Variants in ZMYM4 observed in about 807,000 individuals in gnomAD.
ZMYM4 encodes zinc finger MYM-type protein 4.
Under a neutral mutation model 183.2 loss-of-function variants are expected in ZMYM4, and 31 were observed. The observed-to-expected ratio is 0.17, with a 90% confidence interval of 0.13 to 0.23. The LOEUF (loss-of-function observed/expected upper bound fraction) is 0.23. Ranked by LOEUF, ZMYM4 falls within the 10% of genes least tolerant of loss-of-function variation. The pLI is 1.00. For missense variants in ZMYM4, 1,273 were observed against 1,840.3 expected (o/e 0.69, Z 5.64); for synonymous variants, 592 against 631.2 (o/e 0.94, Z 0.93).
Position 35,268,959 on chromosome 1 carries a change from G to T in ZMYM4, c.-88G>T. 7.4e-7 allele frequency: 1 copy of T among 1,346,664 alleles called. No homozygotes were observed. Among genetic ancestry groups the T allele is most frequent in the Non-Finnish European group, 9.6e-7 (1 of 1,043,930 alleles). 83.4% of individuals were successfully genotyped at this position (1,346,664 alleles called of 1,614,324 possible). ...CCGGGGAAGCTGCCGCGAGGCGGCC[G>T]TGCCTGCAGTGTGGGCGGGGGCCGG... On this transcript the variant is annotated 5_prime_UTR_variant, in exon 1 of 30. Coordinates refer to ENST00000314607, the MANE Select transcript of ZMYM4 (RefSeq NM_005095.3).
chr1:35,270,451 A>G (rs1452719879), intron 1 of ZMYM4, among the ~76,000 whole-genome samples: 1 of 152,196 alleles, frequency 6.6e-6, no homozygotes, highest in African/African-American at 2.4e-5. Context: ...CCAACCGCCT[A>G]GATCCTACTG....
At chr1:35,351,339 A>G in intron 2 of ZMYM4, 4 of 1,564,172 alleles carry the variant, frequency 2.6e-6, no homozygotes, top group South Asian at 1.1e-5. Context: ...TGCAGATTAC[A>G]TGCACTACTT....
At chr1:35,303,784 T>A (rs571232900) in intron 1 of ZMYM4, among the ~76,000 whole-genome samples, 1 of 152,316 alleles carries the variant, frequency 6.6e-6, no homozygotes, top group East Asian at 1.9e-4. Flanking sequence ...ATGTTTGCTT[T>A]TATCTTTATT....
chr1:35,410,896 C>T (rs1176195522), intron 26 of ZMYM4, among the ~76,000 whole-genome samples: 2 of 152,022 alleles, frequency 1.3e-5, no homozygotes, highest in Non-Finnish European at 2.9e-5. Context: ...ATCTAGGAAT[C>T]TACTGCCACA....
chr1:35,355,214 T>TTTC (rs1457722995), intron 2 of ZMYM4, among the ~76,000 whole-genome samples: 1 of 143,876 alleles, frequency 7.0e-6, no homozygotes, highest in African/African-American at 2.6e-5. Flanking sequence ...TTTTTTTTTT[T>TTTC]TTTTTTTTTT....
intron 1 of ZMYM4, among the ~76,000 whole-genome samples, chr1:35,309,747 G>T (rs1382950107): frequency 6.6e-6 from 1 of 151,780 alleles, no homozygotes; most frequent in Non-Finnish European, 1.5e-5. Flanking sequence ...TCGCACCACT[G>T]TAGTCCAGCC....
intron 7 of ZMYM4, among the ~76,000 whole-genome samples, chr1:35,375,983 A>G (rs1644325959): frequency 6.6e-6 from 1 of 152,006 alleles, no homozygotes; most frequent in African/African-American, 2.4e-5. Context: ...GGATGAGGTG[A>G]GAGGATTTCT....
At chr1:35,310,577 TTTTTC>T (rs1452810785) in intron 1 of ZMYM4, among the ~76,000 whole-genome samples, 1 of 152,096 alleles carries the variant, frequency 6.6e-6, no homozygotes. Flanking sequence ...TAAAATTCCT[TTTTTC>T]TTTTCTTTTT....
intron 1 of ZMYM4, among the ~76,000 whole-genome samples, chr1:35,287,551 G>A (rs1164679205): frequency 3.3e-5 from 5 of 151,562 alleles, no homozygotes; most frequent in African/African-American, 4.8e-5. Flanking sequence ...CACACACCTA[G>A]TGCCCTCCCC....
chr1:35,411,278 C>T (rs533546607), intron 26 of ZMYM4, among the ~76,000 whole-genome samples: 11 of 150,916 alleles, frequency 7.3e-5, no homozygotes, highest in South Asian at 2.1e-4. Flanking sequence ...CTCAGCCTCC[C>T]GAGTAGCTGG....
At chr1:35,301,463 T>C (rs1641274136) in intron 1 of ZMYM4, among the ~76,000 whole-genome samples, 1 of 151,836 alleles carries the variant, frequency 6.6e-6, no homozygotes, top group South Asian at 2.1e-4. Flanking sequence ...GGAGGATCGC[T>C]TGAACCTAGG....
intron 1 of ZMYM4, among the ~76,000 whole-genome samples, chr1:35,325,126 A>C (rs906421527): frequency 3.9e-5 from 6 of 152,178 alleles, no homozygotes; most frequent in Non-Finnish European, 8.8e-5. Context: ...GTAGTTGTTT[A>C]TAGTGAGAGG....
intron 2 of ZMYM4, among the ~76,000 whole-genome samples, chr1:35,331,076 GAACA>G (rs1403465486): frequency 6.6e-6 from 1 of 150,786 alleles, no homozygotes; most frequent in South Asian, 2.1e-4. Context: ...TTTCTAAATG[GAACA>G]AACAAAAAAT....
chr1:35,324,937 A>G (rs1642442654), intron 1 of ZMYM4, among the ~76,000 whole-genome samples: 1 of 151,992 alleles, frequency 6.6e-6, no homozygotes, highest in South Asian at 2.1e-4. Context: ...TCAATTTAAG[A>G]GCAGCATGTT....
intron 1 of ZMYM4, among the ~76,000 whole-genome samples, chr1:35,277,036 G>T (rs1570224587): frequency 1.3e-5 from 2 of 152,096 alleles, no homozygotes; most frequent in East Asian, 3.9e-4. Context: ...CCTTGTTATG[G>T]TATTTAACAT....
intron 7 of ZMYM4, among the ~76,000 whole-genome samples, chr1:35,377,376 A>C (rs1474871786): frequency 2.6e-5 from 4 of 152,238 alleles, no homozygotes; most frequent in Non-Finnish European, 5.9e-5. Flanking sequence ...TAAGTATGGA[A>C]GATGGCAAGG....
chr1:35,280,479 A>G (rs748494065), intron 1 of ZMYM4, among the ~76,000 whole-genome samples: 7 of 152,096 alleles, frequency 4.6e-5, no homozygotes, highest in South Asian at 2.1e-4. Flanking sequence ...CTCCACTTCC[A>G]TGTACTAAAA....
chr1:35,315,077 CT>C (rs61264993), intron 1 of ZMYM4, among the ~76,000 whole-genome samples: 130,199 of 142,400 alleles, frequency 0.91, 60,114 homozygotes, highest in Non-Finnish European at 0.98. Flanking sequence ...AGGTGATGGC[CT>C]TTTTTTTTTT....
At chr1:35,302,856 A>G (rs1641353233) in intron 1 of ZMYM4, among the ~76,000 whole-genome samples, 1 of 151,960 alleles carries the variant, frequency 6.6e-6, no homozygotes, top group Admixed American at 6.6e-5. Flanking sequence ...TTTTAAAAAG[A>G]GAGCCTGATG....
Sources: allele counts gnomAD v4.1 joint callset (sites outside exome capture counted in the v4.1 genomes callset), GRCh38; gene constraint gnomAD v4.1.1; transcripts MANE v1.5; gene names NCBI Gene and HGNC (gene_info 2026-07-23, HGNC 2026-07-21).